The following AFF1 variants were observed in gnomAD, a reference collection of about 807,000 sequenced individuals.
AFF1 encodes AF4/FMR2 family member 1.
Under a neutral mutation model 121.7 loss-of-function variants are expected in AFF1, and 48 were observed. The ratio of observed to expected loss-of-function variants is 0.39; its 90% confidence interval spans 0.31 to 0.50. The LOEUF is 0.50. AFF1 is among the 20% of genes least tolerant of loss of function. The pLI is 0.76. For synonymous variants in AFF1, 613 were observed against 563.0 expected (o/e 1.09, Z -1.26); for missense variants, 1,523 against 1,511.7 (o/e 1.01, Z -0.12).
intron 4 of AFF1, among the ~76,000 whole-genome samples, chr4:87,055,840 C>T (rs1720069394): frequency 6.6e-6 from 1 of 152,146 alleles, no homozygotes; most frequent in Non-Finnish European, 1.5e-5. Flanking sequence ...ATTTTTTGGT[C>T]TTGTATTTCT....
At chr4:87,110,699 A>G (rs1217440594) in intron 11 of AFF1, among the ~76,000 whole-genome samples, 2 of 152,068 alleles carry the variant, frequency 1.3e-5, no homozygotes, top group East Asian at 1.9e-4. Flanking sequence ...GAGTAAATCT[A>G]TATTGTGCAT....
rs913339541 is a variant in AFF1, at chr4:87,122,035, G to A, written c.2467-3002G>A. The stretch of plus-strand genomic sequence containing the variant: ...TTCTTTAAGAAGTAGCCTTGTTAAT[G>A]CTTAGTTTTGCCTTGGGGGCCTTAA... On this transcript the variant is annotated intron_variant, in intron 12 of 20. Transcript: ENST00000395146. Among the ~76,000 whole-genome samples, 4 of 152,226 alleles carry A rather than the reference G, an allele frequency of 2.6e-5. No individual in the cohort carries two copies. The East Asian group carries it at 7.7e-4, about 29-fold the overall frequency.
Position 87,045,726 on chromosome 4 carries a change from C to G in AFF1, c.39-440C>G, listed in dbSNP as rs187742132. On this transcript the variant is annotated intron_variant, in intron 2 of 20. Coordinates refer to ENST00000395146, the MANE Select transcript of AFF1 (RefSeq NM_001166693.3). ...AATAAGCCTTTTGATTTTAATCTTT[C>G]AAAATGTACGCTACTGATCCAGGAA... Among the ~76,000 whole-genome samples, 17 of 152,200 alleles carry G rather than the reference C, an allele frequency of 1.1e-4. No individual in the cohort carries two copies. The East Asian group carries it at 3.3e-3, about 29-fold the overall frequency.
chr4:87,136,889 T>C lies in AFF1; in HGVS notation c.*1188T>C, dbSNP rs1251345132. Reference sequence around the variant, plus strand: ...GATGTAGAGATTTGGGGTGGTTGATTAGACTTTTGAAAAACTCATCACCAC... The same window carrying C: ...GATGTAGAGATTTGGGGTGGTTGATCAGACTTTTGAAAAACTCATCACCAC... On this transcript the variant is annotated 3_prime_UTR_variant, in exon 21 of 21. Transcript: ENST00000395146. 1 of 221,240 alleles carries C rather than the reference T, an allele frequency of 4.5e-6. No homozygotes were observed. Among genetic ancestry groups the C allele is most frequent in the Non-Finnish European group, 9.0e-6 (1 of 110,544 alleles). 13.7% of individuals were successfully genotyped at this position (221,240 alleles called of 1,614,324 possible).
intron 4 of AFF1, among the ~76,000 whole-genome samples, chr4:87,078,880 C>T (rs556395574): frequency 1.1e-4 from 17 of 152,058 alleles, no homozygotes; most frequent in Non-Finnish European, 2.2e-4. Flanking sequence ...ATGTTGGCAC[C>T]GCCTGTTATT....
At chr4:87,080,466 G>C (rs1723056000) in intron 4 of AFF1, among the ~76,000 whole-genome samples, 1 of 152,212 alleles carries the variant, frequency 6.6e-6, no homozygotes, top group East Asian at 1.9e-4. Flanking sequence ...TGGTGTTAAA[G>C]GGAGAGTCTG....
chr4:86,971,053 C>G (rs778215570), intron 2 of AFF1, among the ~76,000 whole-genome samples: 4 of 152,142 alleles, frequency 2.6e-5, no homozygotes, highest in Non-Finnish European at 5.9e-5. Context: ...TTAACAGGAT[C>G]ACTTGGGAAG....
chr4:87,106,463 G>A (rs186698045), intron 10 of AFF1, among the ~76,000 whole-genome samples: 2 of 152,164 alleles, frequency 1.3e-5, no homozygotes, highest in Non-Finnish European at 2.9e-5. Flanking sequence ...TTAAACTGAC[G>A]AGCCCAGTGT....
At chr4:87,074,364 G>A (rs1439761427) in intron 4 of AFF1, among the ~76,000 whole-genome samples, 1 of 151,840 alleles carries the variant, frequency 6.6e-6, no homozygotes, top group Non-Finnish European at 1.5e-5. Flanking sequence ...TGGCTGCTGT[G>A]CCCACAATGG....
intron 4 of AFF1, among the ~76,000 whole-genome samples, chr4:87,078,881 G>A (rs577884009): frequency 2.0e-5 from 3 of 152,146 alleles, no homozygotes; most frequent in East Asian, 1.9e-4. Context: ...TGTTGGCACC[G>A]CCTGTTATTC....
intron 2 of AFF1, among the ~76,000 whole-genome samples, chr4:87,038,849 C>G (rs1729825777): frequency 1.3e-5 from 2 of 152,208 alleles, no homozygotes; most frequent in Non-Finnish European, 1.5e-5. Flanking sequence ...AAATCACACT[C>G]TGTCATCCAA....
At chr4:87,113,153 C>A (rs1053286269) in intron 11 of AFF1, among the ~76,000 whole-genome samples, 1 of 152,172 alleles carries the variant, frequency 6.6e-6, no homozygotes, top group Admixed American at 6.5e-5. Flanking sequence ...GTTAAGGTAA[C>A]GAGCCAGGAA....
intron 12 of AFF1, among the ~76,000 whole-genome samples, chr4:87,122,351 ATTGT>A (rs929889646): frequency 6.6e-6 from 1 of 152,154 alleles, no homozygotes; most frequent in African/African-American, 2.4e-5. Flanking sequence ...TTTCCAATTG[ATTGT>A]TTTTCTCTCC....
chr4:87,120,038 C>T lies in AFF1; in HGVS notation c.2466+4739C>T, dbSNP rs557760223. On this transcript the variant is annotated intron_variant, in intron 12 of 20. Coordinates refer to ENST00000395146, the MANE Select transcript of AFF1 (RefSeq NM_001166693.3). Reference sequence around the variant, plus strand: ...CCTTCTGATTGACTAAGGCCACTTACATCTAAATTTCTTCGTGCCTGTTAG... The same window carrying T: ...CCTTCTGATTGACTAAGGCCACTTATATCTAAATTTCTTCGTGCCTGTTAG... Among the ~76,000 whole-genome samples, 61 of 152,334 alleles carry T rather than the reference C, an allele frequency of 4.0e-4. 1 individual carries two copies. Among genetic ancestry groups the T allele is most frequent in the African/African-American group, 1.3e-3 (53 of 41,586 alleles).
At position 86,969,879 on chromosome 4, in the gene AFF1, C is replaced by CAAAAAAAAAA. The variant is rs70953629; in HGVS notation, c.38+21317_38+21326dup. On this transcript the variant is annotated intron_variant, in intron 2 of 20. Transcript: ENST00000395146. ...TGGGCGGAAGAGCGAGACTCCGTCT[C>CAAAAAAAAAA]AAAAAAAAAAAAAAAAAAGGTAAGA... is the stretch of plus-strand genomic sequence containing the variant. 1.3e-3 allele frequency among the ~76,000 whole-genome samples: 83 copies of CAAAAAAAAAA among 63,614 alleles called. 15 individuals are homozygous for CAAAAAAAAAA. The highest frequency in any genetic ancestry group is 3.1e-3 in the African/African-American group (57 of 18,594). 41.7% of individuals were successfully genotyped at this position (63,614 alleles called of 152,430 possible).
intron 2 of AFF1, among the ~76,000 whole-genome samples, chr4:87,021,767 A>G (rs973972274): frequency 1.3e-5 from 2 of 152,234 alleles, no homozygotes; most frequent in East Asian, 1.9e-4. Context: ...CACATTGTTG[A>G]CTTATTCTTT....
intron 12 of AFF1, among the ~76,000 whole-genome samples, chr4:87,122,881 T>TAAAA (rs3036188): frequency 0.024 from 2,288 of 96,576 alleles, 80 homozygotes; most frequent in African/African-American, 0.045. Context: ...GGAAAATTAG[T>TAAAA]AAAAAAAAAA....
intron 2 of AFF1, among the ~76,000 whole-genome samples, chr4:86,963,800 C>T (rs1272014509): frequency 2.1e-5 from 3 of 143,962 alleles, no homozygotes; most frequent in Non-Finnish European, 4.6e-5. Context: ...CTTTTCATTT[C>T]TTTTTTTTTT....
chr4:87,056,295 AT>A (rs1720134417), intron 4 of AFF1, among the ~76,000 whole-genome samples: 1 of 152,306 alleles, frequency 6.6e-6, no homozygotes, highest in South Asian at 2.1e-4. Flanking sequence ...GAAAACTCAT[AT>A]TGGACAGGAA....
Sources: allele counts gnomAD v4.1 joint callset (sites outside exome capture counted in the v4.1 genomes callset), GRCh38; gene constraint gnomAD v4.1.1; transcripts MANE v1.5; gene names NCBI Gene and HGNC (gene_info 2026-07-23, HGNC 2026-07-21).